DPF3: variants seen among roughly 807,000 people sequenced by gnomAD.
DPF3 encodes the protein zinc finger protein DPF3.
DPF3 carries 18 observed loss-of-function variants against 56.8 expected under a neutral mutation model. The observed-to-expected ratio is 0.32, with a 90% confidence interval of 0.22 to 0.47. The LOEUF is 0.47. Among genes scored for constraint, DPF3 ranks in the 20% least tolerant of loss-of-function variants. The pLI, the probability that DPF3 is intolerant of heterozygous loss-of-function variation, is 1.00. For missense variants in DPF3, 403 were observed against 488.8 expected (o/e 0.82, Z 1.65); for synonymous variants, 188 against 180.2 (o/e 1.04, Z -0.35).
chr14:72,746,370 A>G (rs1162706541), intron 3 of DPF3, among the ~76,000 whole-genome samples: 1 of 152,212 alleles, frequency 6.6e-6, no homozygotes, highest in Non-Finnish European at 1.5e-5. Flanking sequence ...CCGCAGCTGC[A>G]GGCTGGCATG....
chr14:72,674,173 G>A, intron 8 of DPF3, 67 bp downstream of exon 8: 1 of 1,546,202 alleles, frequency 6.5e-7, no homozygotes, highest in Non-Finnish European at 8.7e-7. Context: ...ACCACAAGAT[G>A]GAAGAGGAAT....
At chr14:72,710,024 C>T (rs1175612646) in intron 6 of DPF3, among the ~76,000 whole-genome samples, 1 of 152,198 alleles carries the variant, frequency 6.6e-6, no homozygotes, top group Non-Finnish European at 1.5e-5. Flanking sequence ...AAATGTTCTC[C>T]CTGAATATCA....
At chr14:72,753,215 C>A in intron 3 of DPF3, 49 bp downstream of exon 3, 1 of 1,576,204 alleles carries the variant, frequency 6.3e-7, no homozygotes. Flanking sequence ...CAGCCCAGTC[C>A]TCCCACCTTT....
chr14:72,861,698 AAGAG>A (rs1271962634), intron 1 of DPF3, among the ~76,000 whole-genome samples: 4 of 146,464 alleles, frequency 2.7e-5, no homozygotes, highest in South Asian at 2.2e-4. Flanking sequence ...AAAAGAAAGA[AAGAG>A]AGAGAGAAAG....
chr14:72,724,601 G>A (rs1889317034), intron 4 of DPF3, among the ~76,000 whole-genome samples: 1 of 152,032 alleles, frequency 6.6e-6, no homozygotes, highest in African/African-American at 2.4e-5. Context: ...TTAAGGGAGG[G>A]ATAAAAGACT....
chr14:72,723,565 G>A, intron 5 of DPF3, 68 bp downstream of exon 5: 2 of 1,308,578 alleles, frequency 1.5e-6, no homozygotes, highest in Non-Finnish European at 2.1e-6. Flanking sequence ...CTGCAGTGGA[G>A]ATCAATCGTT....
chr14:72,623,866 G>A (rs1269310869), intron 9 of DPF3, among the ~76,000 whole-genome samples: 1 of 152,144 alleles, frequency 6.6e-6, no homozygotes, highest in Non-Finnish European at 1.5e-5. Context: ...AGGAGTCCTG[G>A]GAGAAATAAG....
intron 1 of DPF3, among the ~76,000 whole-genome samples, chr14:72,891,313 C>CTTTT (rs61587216): frequency 0.06 from 8,650 of 144,026 alleles, 806 homozygotes; most frequent in African/African-American, 0.19. Context: ...GTGGTGTTGG[C>CTTTT]TTTTTTTTTT....
chr14:72,653,614 T>G (rs1388642290), intron 8 of DPF3, among the ~76,000 whole-genome samples: 1 of 152,232 alleles, frequency 6.6e-6, no homozygotes, highest in Non-Finnish European at 1.5e-5. Flanking sequence ...TCAGTCTAGA[T>G]AGAGGGTGCT....
At chr14:72,847,375 C>T (rs548382863) in intron 1 of DPF3, among the ~76,000 whole-genome samples, 2 of 152,232 alleles carry the variant, frequency 1.3e-5, no homozygotes, top group East Asian at 3.8e-4. Context: ...TCTCTACTTA[C>T]GGATTCCACC....
chr14:72,794,298 C>G (rs1394078724), intron 1 of DPF3, among the ~76,000 whole-genome samples: 1 of 152,210 alleles, frequency 6.6e-6, no homozygotes, highest in East Asian at 1.9e-4. Flanking sequence ...ATTGCCACCA[C>G]CAGTGCCAGA....
At chr14:72,731,032 G>A (rs2139854847) in intron 4 of DPF3, among the ~76,000 whole-genome samples, 1 of 152,212 alleles carries the variant, frequency 6.6e-6, no homozygotes, top group Non-Finnish European at 1.5e-5. Flanking sequence ...GCCAGATGGT[G>A]GCACATGCCT....
intron 2 of DPF3, among the ~76,000 whole-genome samples, chr14:72,771,393 C>CGG (rs1402025542): frequency 3.3e-5 from 5 of 152,036 alleles, no homozygotes; most frequent in Non-Finnish European, 5.9e-5. Context: ...GGCAGATTTC[C>CGG]GGCTTGTAAC....
chr14:72,893,009 AAGGAAG>A (rs1886829637), intron 1 of DPF3, among the ~76,000 whole-genome samples: 1 of 118,156 alleles, frequency 8.5e-6, no homozygotes, highest in African/African-American at 3.1e-5. Context: ...GGAAGGAAGG[AAGGAAG>A]GAAGGAAGGA....
At chr14:72,738,635 G>A (rs971258395) in intron 3 of DPF3, among the ~76,000 whole-genome samples, 1 of 152,152 alleles carries the variant, frequency 6.6e-6, no homozygotes, top group Non-Finnish European at 1.5e-5. Context: ...GCAAGGTCGG[G>A]GAATCAGGAG....
chr14:72,723,397 C>T (rs1266885835), intron 5 of DPF3, among the ~76,000 whole-genome samples: 1 of 152,148 alleles, frequency 6.6e-6, no homozygotes, highest in Non-Finnish European at 1.5e-5. Flanking sequence ...TCAGCCCTCC[C>T]CAGACCTCAC....
chr14:72,852,487 G>T (rs1487099202), intron 1 of DPF3, among the ~76,000 whole-genome samples: 1 of 152,192 alleles, frequency 6.6e-6, no homozygotes, highest in African/African-American at 2.4e-5. Flanking sequence ...GGTGGGATCG[G>T]TGTGTGTAAA....
chr14:72,800,756 G>A (rs12883687), intron 1 of DPF3, among the ~76,000 whole-genome samples: 1 of 150,940 alleles, frequency 6.6e-6, no homozygotes, highest in Non-Finnish European at 1.5e-5. Context: ...ATGGATGGGT[G>A]CATGGGTGGA....
intron 4 of DPF3, 179 bp downstream of exon 4, chr14:72,731,628 G>A (rs12882805): frequency 0.35 from 277,936 of 787,028 alleles, 51,042 homozygotes; most frequent in East Asian, 0.39. Flanking sequence ...TGACTCCTTC[G>A]GAAGATAGGT....
Sources: gnomAD v4.1 joint callset for allele counts (sites outside exome capture counted in the v4.1 genomes callset) on GRCh38, gnomAD v4.1.1 for gene constraint, MANE v1.5 for transcripts, NCBI Gene and HGNC (gene_info 2026-07-23, HGNC 2026-07-21) for gene names.